The following PLEKHA7 variants were observed in gnomAD, a reference collection of about 807,000 sequenced individuals.
PLEKHA7 encodes the protein pleckstrin homology domain-containing family A member 7.
In PLEKHA7, 104 loss-of-function variants were observed where a neutral mutation model predicts 170.0. The observed-to-expected ratio is 0.61, with a 90% confidence interval of 0.52 to 0.72. The LOEUF is 0.72. Among genes scored for constraint, PLEKHA7 ranks in the 30% least tolerant of loss-of-function variants. The probability of loss-of-function intolerance (pLI) is 0.00; values close to 1 mark genes in which losing one functional copy is unlikely to be tolerated. For missense variants in PLEKHA7, 1,615 were observed against 1,671.7 expected, an observed-to-expected ratio of 0.97 and a Z score of 0.59; for synonymous variants, 648 against 660.8, an observed-to-expected ratio of 0.98 and a Z score of 0.30.
intron 23 of PLEKHA7, chr11:16,786,589 C>T: frequency 3.0e-6 from 3 of 985,378 alleles, no homozygotes; most frequent in Non-Finnish European, 3.6e-6. Flanking sequence ...TCTGGGTTCC[C>T]AGAGGTTTCA....
chr11:16,803,334 G>GTT, intron 13 of PLEKHA7, 39 bp from the exon 14 acceptor site: 1 of 1,579,138 alleles, frequency 6.3e-7, no homozygotes, highest in Non-Finnish European at 8.7e-7. Context: ...TAACCATGGT[G>GTT]TTTGAGATCA....
intron 3 of PLEKHA7, among the ~76,000 whole-genome samples, chr11:16,985,686 G>T (rs965508630): frequency 6.6e-6 from 1 of 152,244 alleles, no homozygotes; most frequent in African/African-American, 2.4e-5. Flanking sequence ...ACTGTGCTGA[G>T]TGCTGGGGAC....
chr11:16,856,741 A>C (rs1470706466), intron 4 of PLEKHA7, among the ~76,000 whole-genome samples: 2 of 152,174 alleles, frequency 1.3e-5, no homozygotes, highest in Non-Finnish European at 2.9e-5. Flanking sequence ...GGCAGCGGTG[A>C]CAAATCCCTC....
chr11:16,841,156 G>A (rs80270245), intron 9 of PLEKHA7, among the ~76,000 whole-genome samples: 1,607 of 152,276 alleles, frequency 0.011, 14 homozygotes, highest in Non-Finnish European at 0.018. Context: ...TTATATGCTT[G>A]GTTGAACTAT....
chr11:16,974,625 G>GGT (rs1862940330), intron 3 of PLEKHA7: 2 of 307,768 alleles, frequency 6.5e-6, no homozygotes, highest in Non-Finnish European at 8.8e-6. Context: ...AGATTTCACA[G>GGT]GTTTTTTTTT....
At chr11:16,856,024 C>T (rs1853422362) in intron 4 of PLEKHA7, 110 bp from the exon 5 acceptor site, 2 of 867,272 alleles carry the variant, frequency 2.3e-6, no homozygotes, top group Admixed American at 2.2e-5. Context: ...AACAACCCAA[C>T]CCTGATTGTT....
intron 10 of PLEKHA7, among the ~76,000 whole-genome samples, chr11:16,819,402 A>G (rs1850040539): frequency 6.6e-6 from 1 of 152,194 alleles, no homozygotes; most frequent in Non-Finnish European, 1.5e-5. Flanking sequence ...CCAGCCTCCA[A>G]CTTATTTTCT....
At chr11:16,925,479 G>A (rs1859449034) in intron 3 of PLEKHA7, among the ~76,000 whole-genome samples, 1 of 152,170 alleles carries the variant, frequency 6.6e-6, no homozygotes, top group Admixed American at 6.5e-5. Context: ...CGCCCTGTCG[G>A]CTCGACAACC....
At chr11:16,949,817 CA>C (rs1565147279) in intron 3 of PLEKHA7, among the ~76,000 whole-genome samples, 2 of 151,744 alleles carry the variant, frequency 1.3e-5, no homozygotes, top group Non-Finnish European at 2.9e-5. Flanking sequence ...TCATGAGCTA[CA>C]GAAATTCAGA....
chr11:16,778,966 GC>G lies in PLEKHA7; in HGVS notation c.*31del, dbSNP rs1848823852. ...CCTTGGAGGAAGCTGGTTCCACTGG[GC>G]CCCTGGCTCCAGGCTTCTTTGCATG... On this transcript the variant is annotated 3_prime_UTR_variant, in exon 27 of 27. Coordinates refer to ENST00000531066, the MANE Select transcript of PLEKHA7 (RefSeq NM_001329630.2). The G allele has an allele frequency of 1.4e-6, 1 of 702,496 alleles. No homozygotes were observed. Among genetic ancestry groups the G allele is most frequent in the Non-Finnish European group, 2.6e-6 (1 of 385,006 alleles). The allele number at this position is 702,496 out of a possible 1,614,324, so 43.5% of individuals were successfully genotyped here. A position where few individuals can be genotyped will look rare whatever the true frequency, so the allele number is the denominator to read the frequency against.
At chr11:16,780,210 G>C (rs1848921751) in intron 26 of PLEKHA7, among the ~76,000 whole-genome samples, 1 of 152,190 alleles carries the variant, frequency 6.6e-6, no homozygotes, top group Non-Finnish European at 1.5e-5. Flanking sequence ...AAAAGCAACA[G>C]GCCCAGGCCA....
In PLEKHA7 at chr11:16,923,255, T is replaced by A. The variant is rs113063522; in HGVS notation, c.222-52073A>T. On this transcript the variant is annotated intron_variant, in intron 3 of 26. Coordinates refer to ENST00000531066, the MANE Select transcript of PLEKHA7 (RefSeq NM_001329630.2). ...CGTTAGACGGCTGGCTTGAGCAGACTTTTCATAATAGAAAAACCTTGTTCC... is the reference window on the plus strand; with the variant it reads ...CGTTAGACGGCTGGCTTGAGCAGACATTTCATAATAGAAAAACCTTGTTCC... 7.9e-3 allele frequency among the ~76,000 whole-genome samples: 1,206 copies of A among 152,302 alleles called. 14 individuals carry two copies. Among genetic ancestry groups the A allele is most frequent in the African/African-American group, 0.026 (1,094 of 41,562 alleles).
chr11:16,979,935 C>T (rs1420147962), intron 3 of PLEKHA7, among the ~76,000 whole-genome samples: 1 of 152,114 alleles, frequency 6.6e-6, no homozygotes, highest in African/African-American at 2.4e-5. Flanking sequence ...CCCAGCTATC[C>T]CACAAGGAGT....
At chr11:16,823,529 C>T (rs1216413633) in intron 10 of PLEKHA7, among the ~76,000 whole-genome samples, 3 of 152,176 alleles carry the variant, frequency 2.0e-5, no homozygotes, top group Admixed American at 6.5e-5. Context: ...CCCACATTCC[C>T]TATAGCCTCC....
intron 10 of PLEKHA7, among the ~76,000 whole-genome samples, chr11:16,823,146 C>T (rs1850376137): frequency 1.3e-5 from 2 of 152,020 alleles, no homozygotes; most frequent in African/African-American, 2.4e-5. Context: ...AGGTGCATGC[C>T]ACCACATCCA....
At chr11:16,942,947 C>T (rs2136424846) in intron 3 of PLEKHA7, among the ~76,000 whole-genome samples, 1 of 152,350 alleles carries the variant, frequency 6.6e-6, no homozygotes, top group South Asian at 2.1e-4. Flanking sequence ...AACAACAATG[C>T]TAACGCTCAA....
intron 3 of PLEKHA7, among the ~76,000 whole-genome samples, chr11:16,886,224 G>C (rs1007836820): frequency 6.6e-6 from 1 of 152,088 alleles, no homozygotes; most frequent in Non-Finnish European, 1.5e-5. Flanking sequence ...ATGCCACCTG[G>C]AACAAGATCA....
rs188132275 is a variant in PLEKHA7, at chr11:16,887,720, C to T, written c.222-16538G>A. 6.5e-3 allele frequency among the ~76,000 whole-genome samples: 997 copies of T among 152,344 alleles called. 13 individuals carry two copies. Among genetic ancestry groups the T allele is most frequent in the African/African-American group, 0.023 (953 of 41,570 alleles). ...GCTCAATGTTGCCCAGGCTGGAGTG[C>T]AGTGGCATGATCTTGGCTGGCTACA... is the stretch of plus-strand genomic sequence containing the variant. On this transcript the variant is annotated intron_variant, in intron 3 of 26. Transcript: ENST00000531066.
At chr11:16,820,949 T>C (rs935712135) in intron 10 of PLEKHA7, among the ~76,000 whole-genome samples, 2 of 152,196 alleles carry the variant, frequency 1.3e-5, no homozygotes, top group African/African-American at 4.8e-5. Flanking sequence ...GGTTGAGGTA[T>C]AGACCCCATG....
Sources: allele counts gnomAD v4.1 joint callset (sites outside exome capture counted in the v4.1 genomes callset), GRCh38; gene constraint gnomAD v4.1.1; transcripts MANE v1.5; gene names NCBI Gene and HGNC (gene_info 2026-07-23, HGNC 2026-07-21).